The following ADGRB3 variants were observed in gnomAD, a reference collection of about 807,000 sequenced individuals.
ADGRB3 encodes the protein brain-specific angiogenesis inhibitor 3.
Under a neutral mutation model 193.4 loss-of-function variants are expected in ADGRB3, and 37 were observed. The ratio of observed to expected loss-of-function variants is 0.19; its 90% CI spans 0.15 to 0.25. The LOEUF is 0.25. Among genes scored for constraint, ADGRB3 ranks in the 10% least tolerant of loss-of-function variants. The pLI, the probability that ADGRB3 is intolerant of heterozygous loss-of-function variation, is 1.00. For synonymous variants in ADGRB3, 690 were observed against 644.2 expected (o/e 1.07, Z -1.08); for missense variants, 1,637 against 1,852.9 (o/e 0.88, Z 2.14).
At chr6:69,108,170 G>T (rs1036096461) in intron 17 of ADGRB3, among the ~76,000 whole-genome samples, 4 of 151,062 alleles carry the variant, frequency 2.6e-5, no homozygotes, top group Non-Finnish European at 5.9e-5. Flanking sequence ...TTTTAGGAGA[G>T]ACTGTAAAGG....
At chr6:69,242,813 A>G (rs1275634673) in intron 20 of ADGRB3, among the ~76,000 whole-genome samples, 1 of 151,828 alleles carries the variant, frequency 6.6e-6, no homozygotes. Flanking sequence ...CTCTTTGTGC[A>G]TTTAAACTTT....
At chr6:68,754,694 A>C (rs369343352) in intron 3 of ADGRB3, among the ~76,000 whole-genome samples, 1 of 151,874 alleles carries the variant, frequency 6.6e-6, no homozygotes, top group Admixed American at 6.6e-5. Flanking sequence ...CCTCCATTTA[A>C]TATGTGCTTA....
chr6:68,932,273 A>T (rs1474373968), intron 4 of ADGRB3, among the ~76,000 whole-genome samples: 1 of 152,216 alleles, frequency 6.6e-6, no homozygotes, highest in Non-Finnish European at 1.5e-5. Context: ...GATAGTTTTA[A>T]ATTTCCAATA....
At chr6:69,255,258 T>C (rs1220708631) in intron 20 of ADGRB3, among the ~76,000 whole-genome samples, 1 of 152,116 alleles carries the variant, frequency 6.6e-6, no homozygotes, top group African/African-American at 2.4e-5. Context: ...GTATTTCTAG[T>C]TCTAGATCCC....
intron 16 of ADGRB3, among the ~76,000 whole-genome samples, chr6:69,074,601 C>T (rs527991814): frequency 1.2e-4 from 18 of 146,684 alleles, no homozygotes; most frequent in African/African-American, 3.0e-4. Flanking sequence ...AGTGCAGTGG[C>T]ACGATCTCGG....
intron 3 of ADGRB3, among the ~76,000 whole-genome samples, chr6:68,640,416 A>G (rs1004462566): frequency 5.3e-5 from 8 of 152,264 alleles, no homozygotes; most frequent in African/African-American, 1.7e-4. Context: ...ACAGCGTGAC[A>G]TATTTTGAGA....
chr6:69,047,874 T>A (rs1330879412), intron 13 of ADGRB3, among the ~76,000 whole-genome samples: 1 of 152,158 alleles, frequency 6.6e-6, no homozygotes, highest in Non-Finnish European at 1.5e-5. Flanking sequence ...TTTCTAACAA[T>A]TAAAATGGAG....
intron 3 of ADGRB3, among the ~76,000 whole-genome samples, chr6:68,691,650 T>C (rs1465528771): frequency 6.6e-6 from 1 of 151,960 alleles, no homozygotes; most frequent in East Asian, 1.9e-4. Flanking sequence ...TATTATTTAA[T>C]TCACATTTTC....
chr6:69,180,477 G>A (rs540363040), intron 17 of ADGRB3, among the ~76,000 whole-genome samples: 61 of 152,264 alleles, frequency 4.0e-4, no homozygotes, highest in African/African-American at 1.4e-3. Context: ...TGTCTAGGAA[G>A]GGTGGGGCAG....
At chr6:69,037,098 G>T (rs990508608) in intron 13 of ADGRB3, among the ~76,000 whole-genome samples, 6 of 152,090 alleles carry the variant, frequency 3.9e-5, no homozygotes, top group Non-Finnish European at 8.8e-5. Flanking sequence ...ATGACAGCAA[G>T]AAGACATGTT....
rs191337422 is a variant in ADGRB3, at chr6:68,985,365, G to A, written c.1735-8403G>A. On this transcript the variant is annotated intron_variant, in intron 10 of 31. Coordinates refer to ENST00000370598, the MANE Select transcript of ADGRB3 (RefSeq NM_001704.3). The stretch of plus-strand genomic sequence containing the variant: ...AACACTGTGGTAGATTTTATCCAGC[G>A]TTGATATTTTGATGAATCAATCCAT... Among the ~76,000 whole-genome samples the A allele has an allele frequency of 1.8e-3, 275 of 152,234 alleles. 1 individual carries two copies. The highest frequency in any genetic ancestry group is 2.8e-3 in the Non-Finnish European group (190 of 68,008).
chr6:68,732,488 C>G (rs997863997), intron 3 of ADGRB3, among the ~76,000 whole-genome samples: 6 of 152,016 alleles, frequency 3.9e-5, no homozygotes, highest in African/African-American at 1.4e-4. Context: ...GATACAAACC[C>G]ATTCCCTCAT....
intron 20 of ADGRB3, among the ~76,000 whole-genome samples, chr6:69,252,615 C>G (rs999527883): frequency 6.6e-6 from 1 of 152,008 alleles, no homozygotes; most frequent in Admixed American, 6.6e-5. Flanking sequence ...AGTTTAGCAC[C>G]TTTTCATGTC....
intron 17 of ADGRB3, among the ~76,000 whole-genome samples, chr6:69,192,300 G>A (rs1254346159): frequency 6.6e-6 from 1 of 152,146 alleles, no homozygotes; most frequent in Non-Finnish European, 1.5e-5. Context: ...TAGAGGGCAG[G>A]AAGTGGATGC....
At chr6:68,654,034 T>A (rs1768435299) in intron 3 of ADGRB3, among the ~76,000 whole-genome samples, 1 of 152,022 alleles carries the variant, frequency 6.6e-6, no homozygotes, top group African/African-American at 2.4e-5. Flanking sequence ...TTAATATACA[T>A]GTAAGTGTTT....
chr6:68,933,385 A>G (rs1393360886), intron 4 of ADGRB3, among the ~76,000 whole-genome samples: 1 of 152,078 alleles, frequency 6.6e-6, no homozygotes, highest in Non-Finnish European at 1.5e-5. Flanking sequence ...CTGAGGTGGG[A>G]GTTCAAGACC....
chr6:68,891,262 T>C (rs925024513), intron 3 of ADGRB3, among the ~76,000 whole-genome samples: 1 of 151,996 alleles, frequency 6.6e-6, no homozygotes, highest in Non-Finnish European at 1.5e-5. Context: ...CCGCAACACG[T>C]GGGAATTATG....
At chr6:68,797,789 T>C (rs1767239314) in intron 3 of ADGRB3, among the ~76,000 whole-genome samples, 1 of 152,174 alleles carries the variant, frequency 6.6e-6, no homozygotes, top group Admixed American at 6.5e-5. Context: ...TTCTTTTTTC[T>C]CCTCAGATTT....
chr6:68,679,983 G>A (rs1582118940), intron 3 of ADGRB3, among the ~76,000 whole-genome samples: 1 of 152,144 alleles, frequency 6.6e-6, no homozygotes, highest in Non-Finnish European at 1.5e-5. Context: ...AAGTGATTAG[G>A]TGATGACAGT....
Sources: allele counts gnomAD v4.1 joint callset (sites outside exome capture counted in the v4.1 genomes callset), GRCh38; gene constraint gnomAD v4.1.1; transcripts MANE v1.5; gene names NCBI Gene and HGNC (gene_info 2026-07-23, HGNC 2026-07-21).